The following KDSR variants were observed in gnomAD, a reference collection of about 807,000 sequenced individuals.
The protein encoded by KDSR is 3-dehydrosphinganine reductase.
In KDSR, 23 loss-of-function variants were observed where a neutral mutation model predicts 41.3. That is an observed-to-expected ratio of 0.56 (90% CI 0.40 to 0.79). KDSR has a LOEUF of 0.79. Ranked by LOEUF, KDSR falls within the 30% of genes least tolerant of loss-of-function variation. The pLI, the probability that KDSR is intolerant of heterozygous loss-of-function variation, is 0.00. For missense variants in KDSR, 351 were observed against 416.8 expected, an observed-to-expected ratio of 0.84 and a Z score of 1.37; for synonymous variants, 138 against 151.7, an observed-to-expected ratio of 0.91 and a Z score of 0.66.
chr18:63,348,849 C>T (rs1188054811), intron 6 of KDSR, among the ~76,000 whole-genome samples: 1 of 152,208 alleles, frequency 6.6e-6, no homozygotes, highest in Non-Finnish European at 1.5e-5. Flanking sequence ...CACCCCTTCA[C>T]CTACAAGGAT....
intron 9 of KDSR, among the ~76,000 whole-genome samples, chr18:63,334,638 C>T (rs758199042): frequency 2.0e-5 from 3 of 152,296 alleles, no homozygotes; most frequent in Non-Finnish European, 2.9e-5. Context: ...CGTGAGCCAC[C>T]GCGCCCGGAC....
At chr18:63,341,027 C>T (rs1035157693) in intron 7 of KDSR, among the ~76,000 whole-genome samples, 2 of 152,156 alleles carry the variant, frequency 1.3e-5, no homozygotes, top group Non-Finnish European at 2.9e-5. Flanking sequence ...TGAGAATCTT[C>T]TAATGAAGTG....
chr18:63,358,278 T>C (rs1483670336), intron 3 of KDSR, among the ~76,000 whole-genome samples: 1 of 152,128 alleles, frequency 6.6e-6, no homozygotes, highest in African/African-American at 2.4e-5. Flanking sequence ...AGAAAGTAGA[T>C]GAGTGACTGC....
In KDSR at chr18:63,335,312, G is replaced by A. The variant is rs979388871; in HGVS notation, c.824C>T (p.Ser275Leu). ...SSLGSDGYML[S>L]ALTCGMAPVT... ...TGGAGCCATCCCACAGGTCAGGGCCGAGAGCATGTACCCATCTGAGCCAAG... is the reference window on the plus strand; with the variant it reads ...TGGAGCCATCCCACAGGTCAGGGCCAAGAGCATGTACCCATCTGAGCCAAG... Residue 275 changes from serine (S) to leucine (L), a missense_variant, in exon 9 of 10, where the codon TCG becomes TTG. Coordinates refer to ENST00000645214, the MANE Select transcript of KDSR (RefSeq NM_002035.4). 5.0e-6 allele frequency: 8 copies of A among 1,614,016 alleles called. No individual in the cohort carries two copies. Among genetic ancestry groups the A allele is most frequent in the South Asian group, 2.2e-5 (2 of 91,072 alleles).
intron 7 of KDSR, 152 bp downstream of exon 7, chr18:63,344,258 C>A: frequency 1.8e-6 from 1 of 545,342 alleles, no homozygotes; most frequent in Non-Finnish European, 3.3e-6. Context: ...GAATATTTGC[C>A]TGGAGAATCT....
intron 9 of KDSR, among the ~76,000 whole-genome samples, chr18:63,333,044 T>C (rs1045542132): frequency 6.6e-5 from 10 of 151,832 alleles, no homozygotes; most frequent in African/African-American, 2.4e-4. Context: ...GAAAGGTACG[T>C]GGGGTAGGAG....
Position 63,348,555 on chromosome 18 carries a change from CT to C in KDSR, c.609+2332del, listed in dbSNP as rs1568279706. Among the ~76,000 whole-genome samples, 3 of 151,756 alleles carry C rather than the reference CT, an allele frequency of 2.0e-5. No individual in the cohort carries two copies. The East Asian group carries it at 5.8e-4, about 29-fold the overall frequency. Reference sequence around the variant, plus strand: ...TCATGGGATAAGTTCATTTTATTTTCTTTTTTTTAAGTGAGGGTATTTTTAA... The same window carrying C: ...TCATGGGATAAGTTCATTTTATTTTCTTTTTTTAAGTGAGGGTATTTTTAA... On this transcript the variant is annotated intron_variant, in intron 6 of 9. Coordinates refer to ENST00000645214, the MANE Select transcript of KDSR (RefSeq NM_002035.4).
chr18:63,331,266 AAGAGAGAG>A lies in KDSR; in HGVS notation c.*508_*515del, dbSNP rs74169956. ...CTTGAATAAAATACACAAAGAAAGA[AAGAGAGAG>A]AGAGAGAGAGACAGAGAGACAGAGA... On this transcript the variant is annotated 3_prime_UTR_variant, in exon 10 of 10. Coordinates refer to ENST00000645214, the MANE Select transcript of KDSR (RefSeq NM_002035.4). 55 of 163,128 alleles carry A rather than the reference AAGAGAGAG, an allele frequency of 3.4e-4. 1 individual carries two copies. In the Middle Eastern group the frequency reaches 6.5e-3, roughly 19 times the overall value. The allele number at this position is 163,128 out of a possible 1,614,324, so 10.1% of individuals were successfully genotyped here. A position where few individuals can be genotyped will look rare whatever the true frequency, so the allele number is the denominator to read the frequency against.
chr18:63,349,620 C>T lies in KDSR; in HGVS notation c.609+1268G>A, dbSNP rs569642558. Among the ~76,000 whole-genome samples the T allele has an allele frequency of 2.5e-4, 38 of 152,348 alleles. 1 individual carries two copies. The East Asian group carries it at 3.5e-3, about 14-fold the overall frequency. On this transcript the variant is annotated intron_variant, in intron 6 of 9. Transcript: ENST00000645214. ...ATGGCATGATCTATCAGTCCCTACG[C>T]GGCACATCAGGACTGTCGCTGTCCC...
intron 5 of KDSR, among the ~76,000 whole-genome samples, chr18:63,351,897 C>A (rs55639316): frequency 0.63 from 95,256 of 151,514 alleles, 30,350 homozygotes; most frequent in Non-Finnish European, 0.68. Context: ...AATCCTCCTG[C>A]CTCAGCCTCT....
chr18:63,354,229 C>T (rs1036174749), intron 5 of KDSR, among the ~76,000 whole-genome samples: 8 of 152,102 alleles, frequency 5.3e-5, no homozygotes, highest in South Asian at 4.2e-4. Flanking sequence ...GAGGACACTC[C>T]GCTTGAGCCC....
At chr18:63,335,654 A>C in intron 8 of KDSR, 1 of 229,216 alleles carries the variant, frequency 4.4e-6, no homozygotes, top group Non-Finnish European at 8.6e-6. Flanking sequence ...GCCTCTGCAA[A>C]ACTGCAGAGA....
At chr18:63,341,483 A>AG (rs2094393210) in intron 7 of KDSR, among the ~76,000 whole-genome samples, 1 of 152,036 alleles carries the variant, frequency 6.6e-6, no homozygotes, top group African/African-American at 2.4e-5. Context: ...TAAAAAAAAA[A>AG]AGAGAGAGAA....
At chr18:63,364,187 C>G (rs557563760) in intron 1 of KDSR, among the ~76,000 whole-genome samples, 40 of 152,238 alleles carry the variant, frequency 2.6e-4, no homozygotes, top group Admixed American at 7.2e-4. Flanking sequence ...CTCAGGAAAG[C>G]CTTCACTGTC....
Position 63,351,048 on chromosome 18 carries a change from A to G in KDSR, c.449T>C (p.Val150Ala), listed in dbSNP as rs1393870210. 3.7e-6 allele frequency: 6 copies of G among 1,613,876 alleles called. No homozygotes were observed. Among genetic ancestry groups the G allele is most frequent in the Non-Finnish European group, 5.1e-6 (6 of 1,179,972 alleles). ...RLMSINYLGSVYPSRAVITTM... is the reference protein window; with the variant it reads ...RLMSINYLGSAYPSRAVITTM... The stretch of plus-strand genomic sequence containing the variant: ...GGTGATCACGGCCCGGCTGGGGTAC[A>G]CGCTGCCCAGGTAATTGATGCTCAT... Residue 150 changes from valine to alanine, a missense_variant, in exon 6 of 10, where the codon GTG (valine) becomes GCG (alanine). By Grantham distance (64) the Val-to-Ala change is moderately conservative. Transcript: ENST00000645214.
At chr18:63,342,415 C>G (rs1353624989) in intron 7 of KDSR, among the ~76,000 whole-genome samples, 2 of 152,140 alleles carry the variant, frequency 1.3e-5, no homozygotes, top group Admixed American at 6.6e-5. Flanking sequence ...AGAACTAGAA[C>G]AGACCAGGAA....
At chr18:63,339,859 CTG>C (rs1191046889) in intron 7 of KDSR, among the ~76,000 whole-genome samples, 3 of 152,190 alleles carry the variant, frequency 2.0e-5, no homozygotes, top group Admixed American at 2.0e-4. Flanking sequence ...CTGCATGAGA[CTG>C]TAAACTTTAC....
At chr18:63,331,967 C>G in intron 9 of KDSR, 66 bp from the exon 10 acceptor site, 1 of 1,513,220 alleles carries the variant, frequency 6.6e-7, no homozygotes, top group Non-Finnish European at 9.0e-7. Context: ...GTACCTAGGT[C>G]TCTAACAAAC....
At chr18:63,365,754 T>C (rs185165542) in intron 1 of KDSR, among the ~76,000 whole-genome samples, 2 of 152,330 alleles carry the variant, frequency 1.3e-5, no homozygotes, top group African/African-American at 2.4e-5. Context: ...GAGGCAGCAG[T>C]TCTCTTGCGG....
Sources: allele counts gnomAD v4.1 joint callset (sites outside exome capture counted in the v4.1 genomes callset), GRCh38; gene constraint gnomAD v4.1.1; transcripts MANE v1.5; gene names NCBI Gene and HGNC (gene_info 2026-07-23, HGNC 2026-07-21).